The following SLC35F4 variants were observed in gnomAD, a reference collection of about 807,000 sequenced individuals.
SLC35F4 encodes the protein solute carrier family 35 member F4.
Under a neutral mutation model 44.2 loss-of-function variants are expected in SLC35F4, and 24 were observed. That is an observed-to-expected ratio of 0.54 (90% CI 0.39 to 0.76). The LOEUF (loss-of-function observed/expected upper bound fraction) is 0.76. Among genes scored for constraint, SLC35F4 ranks in the 30% least tolerant of loss-of-function variants. The pLI is 0.00. For synonymous variants in SLC35F4, 238 were observed against 223.6 expected, an observed-to-expected ratio of 1.06 and a Z score of -0.57; for missense variants, 562 against 586.1, an observed-to-expected ratio of 0.96 and a Z score of 0.42.
In SLC35F4 at chr14:57,758,768, T is replaced by C. The variant is rs753807105; in HGVS notation, c.103+106955A>G. 5.3e-5 allele frequency among the ~76,000 whole-genome samples: 8 copies of C among 152,280 alleles called. No individual in the cohort carries two copies. The South Asian group carries it at 1.2e-3, about 24-fold the overall frequency. ...ATTTTTCTTTTACTGTAAAAACCCT[T>C]AACATGAGATATACTCATTAAAAAA... On this transcript the variant is annotated intron_variant, in intron 1 of 7. Coordinates refer to ENST00000556826, the MANE Select transcript of SLC35F4 (RefSeq NM_001306087.2).
chr14:57,867,603 C>CA (rs869183580), upstream of SLC35F4, among the ~76,000 whole-genome samples: 3 of 31,510 alleles, frequency 9.5e-5, no homozygotes, highest in East Asian at 0.011. Flanking sequence ...TGCCTTTACA[C>CA]CCCCCCCCAC....
Position 57,697,226 on chromosome 14 carries a change from T to C in SLC35F4, c.104-103102A>G, listed in dbSNP as rs191240668. On this transcript the variant is annotated intron_variant, in intron 1 of 7. Transcript: ENST00000556826. The stretch of plus-strand genomic sequence containing the variant: ...CTCTTATGACTTTCTCTTTGATACA[T>C]TGGTCATTTGCAAGTGTGCTATATA... 9.8e-5 allele frequency among the ~76,000 whole-genome samples: 15 copies of C among 152,310 alleles called. No individual in the cohort carries two copies. The East Asian group carries it at 1.5e-3, about 16-fold the overall frequency.
chr14:57,617,877 G>C (rs2071940316), intron 1 of SLC35F4, among the ~76,000 whole-genome samples: 2 of 147,060 alleles, frequency 1.4e-5, no homozygotes, highest in Admixed American at 7.0e-5. Context: ...TTTTAGTTTT[G>C]TTTTTCAAAA....
At chr14:57,589,609 A>C in intron 2 of SLC35F4, 96 bp from the exon 3 acceptor site, 4 of 1,233,324 alleles carry the variant, frequency 3.2e-6, no homozygotes, top group Non-Finnish European at 4.4e-6. Context: ...GAAACCAAAG[A>C]GGCAGACAGT....
chr14:57,845,781 T>C (rs1484674423), intron 1 of SLC35F4, among the ~76,000 whole-genome samples: 2 of 152,224 alleles, frequency 1.3e-5, no homozygotes, highest in East Asian at 1.9e-4. Context: ...GTATGTTATA[T>C]GCTTTGCCAC....
intron 3 of SLC35F4, among the ~76,000 whole-genome samples, chr14:57,589,001 T>C (rs1021334524): frequency 3.9e-5 from 6 of 152,192 alleles, no homozygotes; most frequent in African/African-American, 1.4e-4. Flanking sequence ...CATAATAAGT[T>C]ATGCAAAAGC....
intron 1 of SLC35F4, among the ~76,000 whole-genome samples, chr14:57,695,082 G>C (rs2140344798): frequency 6.6e-6 from 1 of 152,172 alleles, no homozygotes; most frequent in African/African-American, 2.4e-5. Context: ...AGAAAACCTA[G>C]GCAATACCAT....
chr14:57,682,360 T>C (rs1234983028), intron 1 of SLC35F4, among the ~76,000 whole-genome samples: 2 of 152,210 alleles, frequency 1.3e-5, no homozygotes, highest in African/African-American at 4.8e-5. Flanking sequence ...TGGATGATGC[T>C]GGAATCTGTC....
intron 1 of SLC35F4, among the ~76,000 whole-genome samples, chr14:57,820,067 T>C (rs1435618549): frequency 6.6e-6 from 1 of 152,192 alleles, no homozygotes; most frequent in Non-Finnish European, 1.5e-5. Flanking sequence ...TGGTTATCTT[T>C]GTGGAAAAAA....
At chr14:57,890,857 A>T (rs185003108) in intron 1 of SLC35F4, among the ~76,000 whole-genome samples, 4 of 152,372 alleles carry the variant, frequency 2.6e-5, no homozygotes, top group Admixed American at 1.3e-4. Context: ...AAAGATTTGA[A>T]TATAAAACAT....
At chr14:57,777,442 C>T (rs2077515327) in intron 1 of SLC35F4, among the ~76,000 whole-genome samples, 1 of 152,144 alleles carries the variant, frequency 6.6e-6, no homozygotes, top group Admixed American at 6.6e-5. Context: ...GAATACTATG[C>T]AGTCATAAAA....
At chr14:57,786,801 G>A (rs556768302) in intron 1 of SLC35F4, among the ~76,000 whole-genome samples, 14 of 152,250 alleles carry the variant, frequency 9.2e-5, no homozygotes, top group South Asian at 8.3e-4. Context: ...GACAGAGCCT[G>A]CCCAAATGAG....
intron 1 of SLC35F4, among the ~76,000 whole-genome samples, chr14:57,768,705 C>A (rs2077289624): frequency 6.6e-6 from 1 of 151,860 alleles, no homozygotes; most frequent in Non-Finnish European, 1.5e-5. Context: ...CTTAAATATC[C>A]CAGCCATGGG....
Position 57,724,396 on chromosome 14 carries a change from C to T in SLC35F4, c.104-130272G>A, listed in dbSNP as rs144356884. Among the ~76,000 whole-genome samples the T allele has an allele frequency of 2.4e-3, 369 of 152,220 alleles. 10 individuals carry two copies. The East Asian group carries it at 0.054, about 22-fold the overall frequency. On this transcript the variant is annotated intron_variant, in intron 1 of 7. Transcript: ENST00000556826. ...TCTCCTTTTGAGAGACAGCTGTTGG[C>T]CTGTTACTGGGTTTTGGTGGAAACT...
intron 1 of SLC35F4, among the ~76,000 whole-genome samples, chr14:57,672,011 T>A (rs1455526532): frequency 6.6e-6 from 1 of 152,086 alleles, no homozygotes. Flanking sequence ...TACTTCTGGA[T>A]TTTTCTAGGA....
intron 1 of SLC35F4, among the ~76,000 whole-genome samples, chr14:57,876,118 A>G (rs1888395674): frequency 6.6e-6 from 1 of 152,184 alleles, no homozygotes; most frequent in Admixed American, 6.6e-5. Context: ...TTGACTTCAA[A>G]ATGGGGAGGA....
chr14:57,947,202 G>A (rs572478300), intron 1 of SLC35F4, among the ~76,000 whole-genome samples: 88 of 150,276 alleles, frequency 5.9e-4, no homozygotes, highest in Non-Finnish European at 1.1e-3. Context: ...TCATCTCCTT[G>A]GTTAGGTATA....
At chr14:57,846,154 A>G (rs1036891697) in intron 1 of SLC35F4, among the ~76,000 whole-genome samples, 12 of 152,208 alleles carry the variant, frequency 7.9e-5, no homozygotes, top group African/African-American at 2.9e-4. Flanking sequence ...TAATCAGATA[A>G]TCTGCCTCAA....
intron 1 of SLC35F4, among the ~76,000 whole-genome samples, chr14:57,952,517 T>C (rs532082296): frequency 2.6e-5 from 4 of 152,074 alleles, no homozygotes; most frequent in Non-Finnish European, 4.4e-5. Flanking sequence ...TTCTAACCCA[T>C]GCAAGGAAGC....
Sources: allele counts gnomAD v4.1 joint callset (sites outside exome capture counted in the v4.1 genomes callset), GRCh38; gene constraint gnomAD v4.1.1; transcripts MANE v1.5; gene names NCBI Gene and HGNC (gene_info 2026-07-23, HGNC 2026-07-21).